The following FAM219A variants were observed in gnomAD, a reference collection of about 807,000 sequenced individuals.
FAM219A encodes the protein protein FAM219A.
A neutral mutation model predicts 23.4 loss-of-function variants in FAM219A; 7 were observed. The ratio of observed to expected loss-of-function variants is 0.30; its 90% CI spans 0.17 to 0.56. The LOEUF (loss-of-function observed/expected upper bound fraction) is 0.56, where lower values mean the gene tolerates loss of function less well. FAM219A is among the 20% of genes least tolerant of loss of function. The probability of loss-of-function intolerance (pLI) is 0.92; values close to 1 mark genes in which losing one functional copy is unlikely to be tolerated. For missense variants in FAM219A, 166 were observed against 246.9 expected, an observed-to-expected ratio of 0.67 and a Z score of 2.20; for synonymous variants, 93 against 99.0, an observed-to-expected ratio of 0.94 and a Z score of 0.36.
At chr9:34,409,881 G>A (rs902099005) in intron 1 of FAM219A, among the ~76,000 whole-genome samples, 1 of 152,090 alleles carries the variant, frequency 6.6e-6, no homozygotes, top group Non-Finnish European at 1.5e-5. Flanking sequence ...TTTTAAAAAA[G>A]GTTGAAATCT....
intron 3 of FAM219A, 110 bp downstream of exon 3, chr9:34,402,595 C>G: frequency 1.9e-6 from 3 of 1,552,936 alleles, no homozygotes; most frequent in Non-Finnish European, 2.6e-6. Flanking sequence ...AAGGCTGTCT[C>G]CTCTCAGAGA....
chr9:34,453,561 C>T lies in FAM219A; in HGVS notation c.60+4643G>A, dbSNP rs188217733. Among the ~76,000 whole-genome samples, 9 of 152,312 alleles carry T rather than the reference C, an allele frequency of 5.9e-5. No individual in the cohort carries two copies. The East Asian group carries it at 1.5e-3, about 26-fold the overall frequency. The stretch of plus-strand genomic sequence containing the variant: ...TTGGCCACCCACTGGAGAGATCTTA[C>T]TTGTCCCTGTATCCTTAAAGTACCT... On this transcript the variant is annotated intron_variant, in intron 1 of 5. Coordinates refer to ENST00000651358, the MANE Select transcript of FAM219A (RefSeq NM_001184940.2).
chr9:34,450,806 A>ATTT (rs1823538445), intron 1 of FAM219A, among the ~76,000 whole-genome samples: 2 of 152,196 alleles, frequency 1.3e-5, no homozygotes, highest in East Asian at 1.9e-4. Context: ...TGATGGCTAA[A>ATTT]TCAGGCAAAA....
chr9:34,422,128 C>T (rs981172494), intron 1 of FAM219A, among the ~76,000 whole-genome samples: 1 of 152,152 alleles, frequency 6.6e-6, no homozygotes. Flanking sequence ...GGAGGCAGCT[C>T]TACTAAGAAC....
intron 1 of FAM219A, among the ~76,000 whole-genome samples, chr9:34,426,744 G>A (rs561627066): frequency 2.6e-4 from 40 of 152,316 alleles, no homozygotes; most frequent in African/African-American, 8.7e-4. Flanking sequence ...ACAGTTCAGA[G>A]CAATGGAAAA....
In FAM219A at chr9:34,405,899, C is replaced by T. The variant is rs762158279; in HGVS notation, c.126G>A (p.Met42Ile). 1 of 1,614,018 alleles carries T rather than the reference C, an allele frequency of 6.2e-7. No individual in the cohort carries two copies. ...CTTGGAGCGGGGATGGTTTGTAATT[C>T]ATGGCTACTGACTCACCCTCCCGGG... ...CDAREGESVA[M>I]NYKPSPLQVK... is the part of the protein sequence containing the mutation. The change falls in exon 2 of 6, where the codon ATG (methionine) becomes ATA (isoleucine). Residue 42 changes from methionine (M) to isoleucine (I), a missense_variant. Around this residue, in one of 3 missense-constraint regions of FAM219A, gnomAD observed 89 missense variants for 98.8 expected, o/e 0.90. Coordinates refer to ENST00000651358, the MANE Select transcript of FAM219A (RefSeq NM_001184940.2).
chr9:34,414,269 A>G (rs1276352688), intron 1 of FAM219A, among the ~76,000 whole-genome samples: 2 of 152,220 alleles, frequency 1.3e-5, no homozygotes, highest in African/African-American at 4.8e-5. Context: ...ACTCTGCAGT[A>G]TGACCTGAAG....
intron 1 of FAM219A, among the ~76,000 whole-genome samples, chr9:34,432,604 T>G (rs1173219428): frequency 6.6e-6 from 1 of 152,160 alleles, no homozygotes; most frequent in Non-Finnish European, 1.5e-5. Flanking sequence ...TCTCTTCGCA[T>G]CTCATATAAA....
intron 1 of FAM219A, among the ~76,000 whole-genome samples, chr9:34,428,611 T>G (rs1052867386): frequency 6.6e-6 from 1 of 152,344 alleles, no homozygotes; most frequent in Middle Eastern, 3.4e-3. Flanking sequence ...TTAGTAAGGT[T>G]TGTGGACACA....
At chr9:34,424,652 G>A (rs1048268219) in intron 1 of FAM219A, among the ~76,000 whole-genome samples, 3 of 145,114 alleles carry the variant, frequency 2.1e-5, no homozygotes, top group African/African-American at 7.8e-5. Context: ...AAGCCAACAC[G>A]GACCTACCAG....
At chr9:34,413,258 T>TA (rs999860705) in intron 1 of FAM219A, among the ~76,000 whole-genome samples, 45 of 151,800 alleles carry the variant, frequency 3.0e-4, no homozygotes, top group East Asian at 1.2e-3. Flanking sequence ...AGTTCCTTCC[T>TA]AAAAAAAACT....
intron 1 of FAM219A, among the ~76,000 whole-genome samples, chr9:34,413,288 G>C (rs2131945776): frequency 6.6e-6 from 1 of 152,288 alleles, no homozygotes; most frequent in Middle Eastern, 3.4e-3. Context: ...AAGGAAAAAG[G>C]TGAACACTAA....
At chr9:34,411,941 G>A (rs570668549) in intron 1 of FAM219A, among the ~76,000 whole-genome samples, 70 of 152,234 alleles carry the variant, frequency 4.6e-4, no homozygotes, top group African/African-American at 7.0e-4. Context: ...AGGAATAGTC[G>A]GCATTTTGCT....
intron 2 of FAM219A, among the ~76,000 whole-genome samples, chr9:34,404,419 A>G (rs1295517568): frequency 1.3e-5 from 2 of 152,218 alleles, no homozygotes; most frequent in Admixed American, 6.5e-5. Context: ...GATATTAAAC[A>G]ATAATAGGCT....
chr9:34,404,031 A>G (rs1821545168), intron 2 of FAM219A, among the ~76,000 whole-genome samples: 1 of 152,222 alleles, frequency 6.6e-6, no homozygotes. Context: ...CAACTGGGAC[A>G]ATGCTGTGAA....
At chr9:34,423,009 A>G (rs1417820507) in intron 1 of FAM219A, among the ~76,000 whole-genome samples, 3 of 152,160 alleles carry the variant, frequency 2.0e-5, no homozygotes, top group Non-Finnish European at 4.4e-5. Flanking sequence ...CTACAGAAAA[A>G]TTAAAGAAAA....
At chr9:34,445,952 A>G (rs1823353992) in intron 1 of FAM219A, among the ~76,000 whole-genome samples, 1 of 152,194 alleles carries the variant, frequency 6.6e-6, no homozygotes, top group Non-Finnish European at 1.5e-5. Flanking sequence ...AGGCAAGAAG[A>G]TCACTTGAAG....
intron 2 of FAM219A, 60 bp downstream of exon 2, chr9:34,405,805 A>T (rs911987310): frequency 1.3e-6 from 2 of 1,525,604 alleles, no homozygotes; most frequent in African/African-American, 1.4e-5. Context: ...CTCATTGTAG[A>T]CCCAGCCCAG....
chr9:34,406,619 C>A (rs1163947562), intron 1 of FAM219A: 1 of 318,714 alleles, frequency 3.1e-6, no homozygotes, highest in African/African-American at 2.2e-5. Flanking sequence ...AATGACAAAC[C>A]AGCAGGTGGC....
Sources: gnomAD v4.1 joint callset for allele counts (sites outside exome capture counted in the v4.1 genomes callset) on GRCh38, gnomAD v4.1.1 for gene constraint, gnomAD v4.1.1 regional missense constraint, MANE v1.5 for transcripts, NCBI Gene and HGNC (gene_info 2026-07-23, HGNC 2026-07-21) for gene names.